CREBL2: variants seen among roughly 807,000 people sequenced by gnomAD.
CREBL2 encodes cAMP-responsive element-binding protein-like 2.
CREBL2 carries 4 observed loss-of-function variants against 19.5 expected under a neutral mutation model. The ratio of observed to expected loss-of-function variants is 0.20; its 90% CI spans 0.10 to 0.47. The LOEUF (loss-of-function observed/expected upper bound fraction) is 0.47. CREBL2 is among the 20% of genes least tolerant of loss of function. The pLI, the probability that CREBL2 is intolerant of heterozygous loss-of-function variation, is 0.98. For missense variants in CREBL2, 85 were observed against 145.1 expected (o/e 0.59, Z 2.13); for synonymous variants, 42 against 46.6 (o/e 0.90, Z 0.40).
chr12:12,626,161 G>C lies in CREBL2; in HGVS notation c.16-9616G>C, dbSNP rs75592789. On this transcript the variant is annotated intron_variant, in intron 1 of 3. Transcript: ENST00000228865. ...GAATCTTTGGAATAGGATTAAATGT[G>C]GGTGCTGGAGGCTTCCTCATTTTAA... 2.6e-3 allele frequency among the ~76,000 whole-genome samples: 400 copies of C among 152,118 alleles called. 1 individual carries two copies. Among genetic ancestry groups the C allele is most frequent in the Non-Finnish European group, 3.3e-3 (227 of 68,000 alleles).
At chr12:12,640,922 C>G (rs576126393) in intron 3 of CREBL2, among the ~76,000 whole-genome samples, 1 of 152,072 alleles carries the variant, frequency 6.6e-6, no homozygotes, top group African/African-American at 2.4e-5. Flanking sequence ...GTTACTCATG[C>G]TTTTGGTGTC....
chr12:12,635,206 C>G (rs1195730111), intron 1 of CREBL2, among the ~76,000 whole-genome samples: 1 of 150,990 alleles, frequency 6.6e-6, no homozygotes. Context: ...AAAACAACAA[C>G]AAAAATAGAA....
At chr12:12,634,213 T>C (rs1459684318) in intron 1 of CREBL2, among the ~76,000 whole-genome samples, 1 of 152,242 alleles carries the variant, frequency 6.6e-6, no homozygotes, top group African/African-American at 2.4e-5. Context: ...GAACACTTAC[T>C]TGATGTGTAA....
intron 1 of CREBL2, among the ~76,000 whole-genome samples, chr12:12,621,579 C>G (rs180842833): frequency 1.3e-5 from 2 of 149,462 alleles, no homozygotes; most frequent in Non-Finnish European, 3.0e-5. Context: ...GCCAGCAGGG[C>G]GGTGATATAT....
chr12:12,620,134 A>G (rs1235876850), intron 1 of CREBL2, among the ~76,000 whole-genome samples: 1 of 151,926 alleles, frequency 6.6e-6, no homozygotes, highest in East Asian at 1.9e-4. Context: ...CTGTCCTCTT[A>G]CTCACATCAA....
intron 3 of CREBL2, among the ~76,000 whole-genome samples, chr12:12,641,325 T>C (rs77183470): frequency 6.7e-6 from 1 of 149,306 alleles, no homozygotes; most frequent in East Asian, 1.9e-4. Flanking sequence ...TTTTTTTTTT[T>C]GAGAAGAAGT....
intron 1 of CREBL2, among the ~76,000 whole-genome samples, chr12:12,618,251 G>C (rs920678256): frequency 6.2e-4 from 93 of 150,386 alleles, no homozygotes; most frequent in African/African-American, 2.2e-3. Context: ...GCTGCCGGGC[G>C]GAGACGCTCC....
At chr12:12,612,212 C>G in intron 1 of CREBL2, 25 bp downstream of exon 1, 1 of 1,613,494 alleles carries the variant, frequency 6.2e-7, no homozygotes, top group Non-Finnish European at 8.5e-7. Context: ...TTGCACGCGC[C>G]GCCGCCTTCT....
At chr12:12,625,087 G>A (rs1445300842) in intron 1 of CREBL2, among the ~76,000 whole-genome samples, 1 of 152,276 alleles carries the variant, frequency 6.6e-6, no homozygotes, top group Non-Finnish European at 1.5e-5. Context: ...TCGTCTGGGG[G>A]TTTTATAGGC....
Position 12,611,879 on chromosome 12 carries a change from C to G in CREBL2, c.-294C>G, listed in dbSNP as rs1945268426. The G allele has an allele frequency of 2.0e-6, 1 of 505,880 alleles. No homozygotes were observed. The highest frequency in any genetic ancestry group is 2.0e-5 in the African/African-American group (1 of 50,774). The allele number at this position is 505,880 out of a possible 1,614,324, so 31.3% of individuals were successfully genotyped here. A position where few individuals can be genotyped will look rare whatever the true frequency, so the allele number is the denominator to read the frequency against. ...GCAGCGCTCCCGCCCACCCTCCGGT[C>G]TCGGCGGCTCTCCAGAGCGTCTGTA... On this transcript the variant is annotated 5_prime_UTR_variant, in exon 1 of 4. Coordinates refer to ENST00000228865, the MANE Select transcript of CREBL2 (RefSeq NM_001310.4).
At chr12:12,616,955 T>G (rs964650000) in intron 1 of CREBL2, among the ~76,000 whole-genome samples, 8 of 152,022 alleles carry the variant, frequency 5.3e-5, no homozygotes, top group African/African-American at 1.7e-4. Flanking sequence ...TTTGAGTGAG[T>G]AGGTCAGGAA....
intron 1 of CREBL2, among the ~76,000 whole-genome samples, chr12:12,618,784 C>T (rs1945336168): frequency 1.3e-5 from 2 of 152,210 alleles, no homozygotes; most frequent in Admixed American, 6.5e-5. Context: ...ATCCCGGCAC[C>T]TCGGGAGGCC....
At chr12:12,639,070 G>A (rs1945498299) in intron 3 of CREBL2, among the ~76,000 whole-genome samples, 1 of 152,126 alleles carries the variant, frequency 6.6e-6, no homozygotes, top group African/African-American at 2.4e-5. Context: ...AGTCTATACA[G>A]TATGTGACTT....
rs986193436 is a variant in CREBL2, at chr12:12,642,712, A to G, written c.*714A>G. Reference sequence around the variant, plus strand: ...GTTGCTGTCCTCTCAAACTATATTTATAAAAATTTGCTAGGGCCAAATCCA... The same window carrying G: ...GTTGCTGTCCTCTCAAACTATATTTGTAAAAATTTGCTAGGGCCAAATCCA... On this transcript the variant is annotated 3_prime_UTR_variant, in exon 4 of 4. Transcript: ENST00000228865. 1 of 152,260 alleles carries G rather than the reference A, an allele frequency of 6.6e-6. No homozygotes were observed. The highest frequency in any genetic ancestry group is 1.5e-5 in the Non-Finnish European group (1 of 68,044). The allele number at this position is 152,260 out of a possible 1,614,324, so 9.4% of individuals were successfully genotyped here.
intron 1 of CREBL2, among the ~76,000 whole-genome samples, chr12:12,626,984 T>G (rs1433432009): frequency 1.3e-5 from 2 of 152,172 alleles, no homozygotes; most frequent in Non-Finnish European, 2.9e-5. Context: ...GGAGCCATTT[T>G]GGAGAAGGCA....
At chr12:12,612,322 A>G in intron 1 of CREBL2, 135 bp downstream of exon 1, 5 of 1,496,812 alleles carry the variant, frequency 3.3e-6, no homozygotes, top group Non-Finnish European at 4.6e-6. Flanking sequence ...TCTCCAGTCC[A>G]CTGCCCGATG....
At chr12:12,622,934 C>G (rs947440914) in intron 1 of CREBL2, among the ~76,000 whole-genome samples, 3 of 152,122 alleles carry the variant, frequency 2.0e-5, no homozygotes, top group African/African-American at 7.2e-5. Flanking sequence ...ACTTCTTCAT[C>G]TAAATACAGT....
intron 1 of CREBL2, among the ~76,000 whole-genome samples, chr12:12,635,286 C>G (rs1323566598): frequency 6.6e-6 from 1 of 151,562 alleles, no homozygotes; most frequent in South Asian, 2.1e-4. Flanking sequence ...GAAGGATCAC[C>G]TGAGCCCTGG....
At chr12:12,639,382 T>C (rs190701522) in intron 3 of CREBL2, among the ~76,000 whole-genome samples, 1 of 152,346 alleles carries the variant, frequency 6.6e-6, no homozygotes, top group Admixed American at 6.5e-5. Context: ...GTCAAACTGT[T>C]TTCCACAGTA....
Sources: allele counts gnomAD v4.1 joint callset (sites outside exome capture counted in the v4.1 genomes callset), GRCh38; gene constraint gnomAD v4.1.1; transcripts MANE v1.5; gene names NCBI Gene and HGNC (gene_info 2026-07-23, HGNC 2026-07-21).